TBC1D14: variants seen among roughly 807,000 people sequenced by gnomAD.
TBC1D14 encodes TBC1 domain family, member 14.
A neutral mutation model predicts 79.0 loss-of-function variants in TBC1D14; 26 were observed. The observed-to-expected ratio is 0.33, with a 90% CI of 0.24 to 0.46. TBC1D14 has a LOEUF of 0.46. TBC1D14 is among the 20% of genes least tolerant of loss of function. TBC1D14 has a pLI of 1.00. For missense variants in TBC1D14, 769 were observed against 887.6 expected, an observed-to-expected ratio of 0.87 and a Z score of 1.70; for synonymous variants, 394 against 349.9, an observed-to-expected ratio of 1.13 and a Z score of -1.40.
intron 2 of TBC1D14, among the ~76,000 whole-genome samples, chr4:6,951,931 C>T (rs1354889647): frequency 6.6e-6 from 1 of 152,054 alleles, no homozygotes; most frequent in African/African-American, 2.4e-5. Context: ...GGCATGGGAA[C>T]ACGAGGCTGC....
chr4:6,939,697 T>C (rs542530037), intron 2 of TBC1D14, among the ~76,000 whole-genome samples: 1 of 140,446 alleles, frequency 7.1e-6, no homozygotes, highest in East Asian at 2.2e-4. Flanking sequence ...TAAGGGATGC[T>C]CAGTGCCAGG....
chr4:6,946,426 G>A (rs1219577197), intron 2 of TBC1D14, among the ~76,000 whole-genome samples: 3 of 152,044 alleles, frequency 2.0e-5, no homozygotes, highest in Non-Finnish European at 4.4e-5. Context: ...TCTGCTTCCC[G>A]GGTTCAAGCG....
intron 8 of TBC1D14, 151 bp from the exon 9 acceptor site, chr4:7,006,481 T>G: frequency 1.7e-6 from 1 of 577,686 alleles, no homozygotes; most frequent in Non-Finnish European, 3.1e-6. Flanking sequence ...TTAAATACTC[T>G]GAAGCTGCAC....
chr4:6,951,719 G>A (rs1450410240), intron 2 of TBC1D14, among the ~76,000 whole-genome samples: 1 of 152,180 alleles, frequency 6.6e-6, no homozygotes, highest in Non-Finnish European at 1.5e-5. Context: ...CCAGGGGGTG[G>A]AATGGTGGAG....
chr4:6,946,543 G>A (rs1029947835), intron 2 of TBC1D14, among the ~76,000 whole-genome samples: 6 of 151,980 alleles, frequency 3.9e-5, no homozygotes, highest in African/African-American at 1.2e-4. Context: ...TGCTGGTCTC[G>A]AACTCCTAAC....
At chr4:6,978,127 GC>G (rs1159392288) in intron 3 of TBC1D14, among the ~76,000 whole-genome samples, 14 of 148,726 alleles carry the variant, frequency 9.4e-5, no homozygotes, top group African/African-American at 1.7e-4. Flanking sequence ...GGGGGGGTCA[GC>G]CCCCCGCCCG....
intron 13 of TBC1D14, among the ~76,000 whole-genome samples, chr4:7,025,469 G>A (rs1306935575): frequency 1.3e-5 from 2 of 152,226 alleles, no homozygotes; most frequent in Non-Finnish European, 2.9e-5. Flanking sequence ...TCAGCTGGAT[G>A]GGGTGTGGAT....
intron 2 of TBC1D14, among the ~76,000 whole-genome samples, chr4:6,967,088 C>A (rs914832936): frequency 6.6e-6 from 1 of 152,212 alleles, no homozygotes; most frequent in Non-Finnish European, 1.5e-5. Context: ...GGATTACAGG[C>A]GTGAGCCACT....
chr4:6,995,174 T>C lies in TBC1D14; in HGVS notation c.962+872T>C, dbSNP rs1400491601. Among the ~76,000 whole-genome samples, 3 of 152,202 alleles carry C rather than the reference T, an allele frequency of 2.0e-5. No individual in the cohort carries two copies. In the East Asian group the frequency reaches 5.8e-4, roughly 29 times the overall value. On this transcript the variant is annotated intron_variant, in intron 4 of 13. Coordinates refer to ENST00000409757, the MANE Select transcript of TBC1D14 (RefSeq NM_020773.3). ...GCACGCTTCTGAAAGAGAGCACGAATTGTATTTTTTTAAATGGGTTTTGAA... is the reference window on the plus strand; with the variant it reads ...GCACGCTTCTGAAAGAGAGCACGAACTGTATTTTTTTAAATGGGTTTTGAA...
rs371101904 is a variant in TBC1D14, at chr4:6,953,023, CT to C, written c.723-14263del. ...CGCCTAGCTAACTATTTTTTTCTTT[CT>C]TTTTTTTTTTTTTTTTTCTGAGACA... On this transcript the variant is annotated intron_variant, in intron 2 of 13. Coordinates refer to ENST00000409757, the MANE Select transcript of TBC1D14 (RefSeq NM_020773.3). 1.4e-3 allele frequency among the ~76,000 whole-genome samples: 151 copies of C among 107,098 alleles called. 1 individual carries two copies. Among genetic ancestry groups the C allele is most frequent in the Middle Eastern group, 5.7e-3 (1 of 174 alleles). The allele number at this position is 107,098 out of a possible 152,430, so 70.3% of individuals were successfully genotyped here.
chr4:6,956,637 C>T (rs535859671), intron 2 of TBC1D14, among the ~76,000 whole-genome samples: 2 of 152,308 alleles, frequency 1.3e-5, no homozygotes, highest in African/African-American at 4.8e-5. Flanking sequence ...GTTGCTTGCC[C>T]GGGGCTGCTT....
chr4:6,936,073 T>G (rs754343688), intron 2 of TBC1D14, among the ~76,000 whole-genome samples: 2 of 152,238 alleles, frequency 1.3e-5, no homozygotes, highest in African/African-American at 2.4e-5. Context: ...TTTACCCTCA[T>G]GTGCACAGCC....
chr4:6,975,356 G>A lies in TBC1D14; in HGVS notation c.843+7932G>A, dbSNP rs140473297. 5.3e-5 allele frequency among the ~76,000 whole-genome samples: 8 copies of A among 152,054 alleles called. 1 individual carries two copies. Among genetic ancestry groups the A allele is most frequent in the Middle Eastern group, 3.4e-3 (1 of 290 alleles). On this transcript the variant is annotated intron_variant, in intron 3 of 13. Coordinates refer to ENST00000409757, the MANE Select transcript of TBC1D14 (RefSeq NM_020773.3). ...CGTGAGTAACCGGGACTACAGGCAC[G>A]TGACACCACACCTGGCTAATTTTGT...
intron 2 of TBC1D14, among the ~76,000 whole-genome samples, chr4:6,944,735 T>A (rs190665098): frequency 1.3e-5 from 2 of 152,306 alleles, no homozygotes; most frequent in South Asian, 2.1e-4. Context: ...GATGTCCAGG[T>A]TTCTCCTGTC....
chr4:6,978,989 G>C lies in TBC1D14; in HGVS notation c.843+11565G>C, dbSNP rs144977892. ...GTAGGACAAGTGAAATACAAAAGGG[G>C]ACAAGGTGTGGTGATGAAGTTTCTG... On this transcript the variant is annotated intron_variant, in intron 3 of 13. Transcript: ENST00000409757. Among the ~76,000 whole-genome samples the C allele has an allele frequency of 4.4e-3, 663 of 152,282 alleles. 5 individuals are homozygous for C. The highest frequency in any genetic ancestry group is 0.015 in the African/African-American group (612 of 41,554).
At chr4:7,021,641 AGTT>A (rs1218716969) in intron 12 of TBC1D14, among the ~76,000 whole-genome samples, 1 of 142,736 alleles carries the variant, frequency 7.0e-6, no homozygotes, top group Non-Finnish European at 1.5e-5. Flanking sequence ...CATTAGTTGA[AGTT>A]GTACTTGAAA....
intron 2 of TBC1D14, among the ~76,000 whole-genome samples, chr4:6,956,065 G>A (rs1468322059): frequency 6.6e-6 from 1 of 152,174 alleles, no homozygotes; most frequent in African/African-American, 2.4e-5. Flanking sequence ...GAGACAGAGC[G>A]GTAATTAGAA....
chr4:6,935,928 G>A (rs1156634691), intron 2 of TBC1D14, among the ~76,000 whole-genome samples: 1 of 152,338 alleles, frequency 6.6e-6, no homozygotes, highest in African/African-American at 2.4e-5. Context: ...ACAGGCATGA[G>A]CCACCGTGCC....
rs1266310362 is a variant in TBC1D14, at chr4:7,030,311, T to C, written c.2017-16T>C. The C allele has an allele frequency of 6.2e-7, 1 of 1,613,172 alleles. No homozygotes were observed. Among genetic ancestry groups the C allele is most frequent in the Admixed American group, 1.7e-5 (1 of 60,004 alleles). The stretch of plus-strand genomic sequence containing the variant: ...CGTGGTCACTTAACCTCAGCTGTCT[T>C]CCCTGTGACTTCTAGGTACTGACTG... On this transcript the variant is annotated splice_polypyrimidine_tract_variant and intron_variant, in intron 13 of 13. Transcript: ENST00000409757.
Sources: allele counts gnomAD v4.1 joint callset (sites outside exome capture counted in the v4.1 genomes callset), GRCh38; gene constraint gnomAD v4.1.1; transcripts MANE v1.5; gene names NCBI Gene and HGNC (gene_info 2026-07-23, HGNC 2026-07-21).